CCNB3: variants seen among roughly 807,000 people sequenced by gnomAD.
CCNB3 encodes cyclin B3.
In CCNB3, 12 loss-of-function variants were observed where a neutral mutation model predicts 68.0. The ratio of observed to expected loss-of-function variants is 0.18; its 90% confidence interval spans 0.11 to 0.29. CCNB3 has a LOEUF of 0.29. Ranked by LOEUF, CCNB3 falls within the 10% of genes least tolerant of loss-of-function variation. The pLI is 1.00. For synonymous variants in CCNB3, 354 were observed against 388.9 expected (o/e 0.91, Z 1.06); for missense variants, 904 against 993.1 (o/e 0.91, Z 1.21).
intron 1 of CCNB3, among the ~76,000 whole-genome samples, chrX:50,227,489 T>C (rs937330150): frequency 1.3e-5 from 1 of 78,299 alleles, no homozygotes; most frequent in Non-Finnish European, 2.4e-5. Flanking sequence ...ATAGACAGAA[T>C]ATATATATAT....
At chrX:50,302,220 G>A (rs782346720) in intron 5 of CCNB3, among the ~76,000 whole-genome samples, 19 of 111,884 alleles carry the variant, frequency 1.7e-4, no homozygotes, top group Admixed American at 2.8e-4. Flanking sequence ...CGTCTTCTGC[G>A]TTGCTCATGC....
At chrX:50,228,314 A>C (rs1285387164) in intron 1 of CCNB3, among the ~76,000 whole-genome samples, 2 of 93,940 alleles carry the variant, frequency 2.1e-5, no homozygotes, top group Non-Finnish European at 4.1e-5. Context: ...GAGAATATAT[A>C]TGAATACATA....
In CCNB3 at chrX:50,226,941, T is replaced by G. The variant is rs1313384955; in HGVS notation, c.-113+21991T>G. The stretch of plus-strand genomic sequence containing the variant: ...ATATATAGAATATATATAGTATATA[T>G]ATAGAATATATATAGTATATATATA... On this transcript the variant is annotated intron_variant, in intron 1 of 12. Coordinates refer to ENST00000376042, the MANE Select transcript of CCNB3 (RefSeq NM_033031.3). Among the ~76,000 whole-genome samples, 3 of 76,363 alleles carry G rather than the reference T, an allele frequency of 3.9e-5. 1 individual carries two copies. Among genetic ancestry groups the G allele is most frequent in the African/African-American group, 1.6e-4 (3 of 18,185 alleles). 66.3% of individuals were successfully genotyped at this position (76,363 alleles called of 115,157 possible). A position where few individuals can be genotyped will look rare whatever the true frequency, so the allele number is the denominator to read the frequency against.
chrX:50,224,357 G>T (rs1935721140), intron 1 of CCNB3, among the ~76,000 whole-genome samples: 1 of 111,010 alleles, frequency 9.0e-6, no homozygotes, highest in South Asian at 3.8e-4. Flanking sequence ...TTGTATACCT[G>T]GGACGAGTGA....
At chrX:50,349,616 A>G (rs933869648) in intron 11 of CCNB3, among the ~76,000 whole-genome samples, 3 of 112,193 alleles carry the variant, frequency 2.7e-5, no homozygotes, top group Non-Finnish European at 5.6e-5. Flanking sequence ...TATTTAACAC[A>G]TCCAGTCTAC....
upstream of CCNB3, among the ~76,000 whole-genome samples, chrX:50,203,807 ATAGGCAGGGGCTTAAT>A (rs2146966839): frequency 8.9e-6 from 1 of 111,876 alleles, no homozygotes; most frequent in South Asian, 3.8e-4. Flanking sequence ...GGGTTCTTTT[ATAGGCAGGGGCTTAAT>A]TAGGCAGCTA....
intron 4 of CCNB3, among the ~76,000 whole-genome samples, chrX:50,289,213 A>T (rs1449574586): frequency 8.9e-6 from 1 of 111,905 alleles, no homozygotes; most frequent in Non-Finnish European, 1.9e-5. Flanking sequence ...TAGTGGAATC[A>T]TTGTAGTCCA....
chrX:50,203,499 C>A (rs964269965), upstream of CCNB3, among the ~76,000 whole-genome samples: 2 of 112,162 alleles, frequency 1.8e-5, no homozygotes, highest in Non-Finnish European at 3.8e-5. Flanking sequence ...GGGAACACCA[C>A]TTCTTTTTCT....
chrX:50,226,315 A>T lies in CCNB3; in HGVS notation c.-113+21365A>T, dbSNP rs1432423991. The stretch of plus-strand genomic sequence containing the variant: ...TAGAATATATATATAGAAATATATA[A>T]ACATATATATAGAAATATATATATA... On this transcript the variant is annotated intron_variant, in intron 1 of 12. Transcript: ENST00000376042. Among the ~76,000 whole-genome samples the T allele has an allele frequency of 7.8e-5, 3 of 38,500 alleles. No individual in the cohort carries two copies. In the South Asian group the frequency reaches 6.3e-3, roughly 80 times the overall value. 33.4% of individuals were successfully genotyped at this position (38,500 alleles called of 115,157 possible). A position where few individuals can be genotyped will look rare whatever the true frequency, so the allele number is the denominator to read the frequency against.
At chrX:50,324,308 A>C (rs782064657) in intron 8 of CCNB3, among the ~76,000 whole-genome samples, 1 of 111,905 alleles carries the variant, frequency 8.9e-6, no homozygotes, top group Non-Finnish European at 1.9e-5. Flanking sequence ...CGACCTCCCA[A>C]AGTGCCAGGA....
chrX:50,220,223 T>A (rs1337785180), intron 1 of CCNB3, among the ~76,000 whole-genome samples: 4 of 111,691 alleles, frequency 3.6e-5, no homozygotes, highest in Non-Finnish European at 7.5e-5. Context: ...ACAGAGACAA[T>A]TTGATTTCCT....
chrX:50,209,778 T>A (rs1390050178), intron 1 of CCNB3, among the ~76,000 whole-genome samples: 12 of 112,490 alleles, frequency 1.1e-4, no homozygotes, highest in African/African-American at 2.9e-4. Flanking sequence ...TTGCTAGAGG[T>A]TTGTTAGGCT....
In CCNB3 at chrX:50,294,912, T is replaced by C. The variant is rs1557210641; in HGVS notation, c.254T>C (p.Phe85Ser). The change falls in exon 5 of 13, where the codon TTT (phenylalanine) becomes TCT (serine). Residue 85 changes from phenylalanine to serine, a missense_variant. Physicochemically the swap from Phe to Ser is radical, Grantham distance 155 (BLOSUM62 -2). This residue lies in a region of CCNB3 where 619 missense variants were observed against 609.8 expected (regional missense o/e 1.02). Transcript: ENST00000376042. ...CCCAAGAAAGAAGCCAATAAAGAGT[T>C]TGTAAAAGTTGTTTCCAAGAAGATA... ...VQPKKEANKE[F>S]VKVVSKKINR... 1 of 1,207,732 alleles carries C rather than the reference T, an allele frequency of 8.3e-7. No individual in the cohort carries two copies. Among genetic ancestry groups the C allele is most frequent in the African/African-American group, 1.8e-5 (1 of 56,991 alleles).
At chrX:50,218,114 C>T (rs1430800255) in intron 1 of CCNB3, among the ~76,000 whole-genome samples, 2 of 111,883 alleles carry the variant, frequency 1.8e-5, no homozygotes, top group African/African-American at 6.5e-5. Flanking sequence ...TAAACCTTTG[C>T]CAGTGTCCTA....
intron 5 of CCNB3, among the ~76,000 whole-genome samples, chrX:50,303,970 C>G (rs1436427415): frequency 8.9e-6 from 1 of 111,736 alleles, no homozygotes; most frequent in Non-Finnish European, 1.9e-5. Flanking sequence ...TAGCTCTTAA[C>G]TTAGGGTTTT....
intron 8 of CCNB3, among the ~76,000 whole-genome samples, chrX:50,320,067 G>T (rs1557216365): frequency 9.0e-6 from 1 of 110,999 alleles, no homozygotes; most frequent in African/African-American, 3.3e-5. Flanking sequence ...CGGGATGTTG[G>T]TCTGTAGTGT....
chrX:50,310,337 C>A lies in CCNB3; in HGVS notation c.2168C>A (p.Ser723Tyr). The A allele has an allele frequency of 8.3e-7, 1 of 1,211,761 alleles. No homozygotes were observed. The highest frequency in any genetic ancestry group is 3.0e-5 in the East Asian group (1 of 33,821). Residue 723 changes from serine (S) to tyrosine (Y), a missense_variant, in exon 6 of 13, where the codon TCC becomes TAC. By Grantham distance (144) the Ser-to-Tyr change is moderately radical. Transcript: ENST00000376042. Reference protein sequence around the residue: ...LQEKSTMEEESLINKLLALKE... With the variant: ...LQEKSTMEEEYLINKLLALKE... ...GAGAAAAGCACCATGGAAGAAGAGT[C>A]CCTTATCAATAAGCTATTGGCTCTG...
At chrX:50,279,899 G>T (rs1336328188) in intron 1 of CCNB3, among the ~76,000 whole-genome samples, 1 of 82,731 alleles carries the variant, frequency 1.2e-5, no homozygotes, top group Non-Finnish European at 2.2e-5. Context: ...TAAATATATA[G>T]TGTATATATA....
intron 1 of CCNB3, among the ~76,000 whole-genome samples, chrX:50,280,811 G>C (rs1361185361): frequency 9.0e-6 from 1 of 110,666 alleles, no homozygotes; most frequent in Non-Finnish European, 1.9e-5. Context: ...CCAGGCTGGA[G>C]AGCAGTGGCA....
Sources: gnomAD v4.1 joint callset for allele counts (sites outside exome capture counted in the v4.1 genomes callset) on GRCh38, gnomAD v4.1.1 for gene constraint, gnomAD v4.1.1 regional missense constraint, MANE v1.5 for transcripts, NCBI Gene and HGNC (gene_info 2026-07-23, HGNC 2026-07-21) for gene names.